Variants in IL1R1 observed in about 807,000 individuals in gnomAD.
The protein encoded by IL1R1 is interleukin 1 receptor type 1, also known as interleukin-1 receptor type 1.
A neutral mutation model predicts 50.2 loss-of-function variants in IL1R1; 22 were observed. The observed-to-expected ratio is 0.44, with a 90% CI of 0.31 to 0.63. The LOEUF (loss-of-function observed/expected upper bound fraction) is 0.63. Among genes scored for constraint, IL1R1 ranks in the 20% least tolerant of loss-of-function variants. IL1R1 has a pLI of 0.07. For synonymous variants in IL1R1, 251 were observed against 236.7 expected, an observed-to-expected ratio of 1.06 and a Z score of -0.55; for missense variants, 509 against 676.2, an observed-to-expected ratio of 0.75 and a Z score of 2.74.
chr2:102,073,124 G>T (rs1041250247), intron 1 of IL1R1, among the ~76,000 whole-genome samples: 2 of 152,178 alleles, frequency 1.3e-5, no homozygotes, highest in Admixed American at 1.3e-4. Context: ...GGATTCCCAA[G>T]GCTCCACTTT....
At chr2:102,171,753 A>T in intron 7 of IL1R1, 48 bp from the exon 8 acceptor site, 1 of 1,093,832 alleles carries the variant, frequency 9.1e-7, no homozygotes, top group South Asian at 1.4e-5. Context: ...ATCTAGATAG[A>T]TCAGAAAAAA....
At chr2:102,132,280 G>A (rs1682080089) in intron 1 of IL1R1, among the ~76,000 whole-genome samples, 1 of 151,602 alleles carries the variant, frequency 6.6e-6, no homozygotes, top group African/African-American at 2.4e-5. Flanking sequence ...TTATTTAAAT[G>A]ACTTTAAATG....
intron 8 of IL1R1, 181 bp downstream of exon 8, chr2:102,172,099 A>T: frequency 5.4e-6 from 1 of 186,084 alleles, no homozygotes; most frequent in Non-Finnish European, 8.9e-6. Context: ...CATTTAAGGT[A>T]AAAAATACTT....
chr2:102,095,699 T>A (rs75440652), intron 1 of IL1R1, among the ~76,000 whole-genome samples: 151 of 152,348 alleles, frequency 9.9e-4, no homozygotes, highest in African/African-American at 3.6e-3. Context: ...AAATACATTA[T>A]TTTACTTCAT....
At chr2:102,155,593 G>A (rs934152552) in intron 2 of IL1R1, among the ~76,000 whole-genome samples, 1 of 152,156 alleles carries the variant, frequency 6.6e-6, no homozygotes, top group African/African-American at 2.4e-5. Flanking sequence ...CCCAAGCTCA[G>A]TGCCAATTCC....
chr2:102,073,884 AC>A (rs935763298), intron 1 of IL1R1, among the ~76,000 whole-genome samples: 19 of 152,060 alleles, frequency 1.2e-4, no homozygotes, highest in African/African-American at 4.3e-4. Flanking sequence ...CTTTCTTAAA[AC>A]CCCCTAAAAT....
upstream of IL1R1, among the ~76,000 whole-genome samples, chr2:102,100,085 A>G (rs541904901): frequency 6.6e-6 from 1 of 152,272 alleles, no homozygotes; most frequent in East Asian, 1.9e-4. Context: ...CCTTTCCTGC[A>G]TTCAAGGCCT....
intron 7 of IL1R1, 140 bp downstream of exon 7, chr2:102,168,803 TTATA>T: frequency 1.6e-6 from 1 of 612,544 alleles, no homozygotes; most frequent in Non-Finnish European, 2.8e-6. Flanking sequence ...GTGAGACAAA[TTATA>T]TCTTAATTTT....
intron 6 of IL1R1, 40 bp downstream of exon 6, chr2:102,166,321 A>G: frequency 6.6e-7 from 1 of 1,506,072 alleles, no homozygotes; most frequent in African/African-American, 1.4e-5. Flanking sequence ...TAGATCTGGG[A>G]AGGTCCAGAG....
intron 1 of IL1R1, among the ~76,000 whole-genome samples, chr2:102,087,199 G>A (rs531048365): frequency 1.6e-4 from 24 of 152,314 alleles, no homozygotes; most frequent in Middle Eastern, 3.4e-3. Flanking sequence ...GCTTCAGTAA[G>A]TTGTAATCTT....
At chr2:102,078,428 T>C (rs1180529861) in intron 1 of IL1R1, among the ~76,000 whole-genome samples, 2 of 151,956 alleles carry the variant, frequency 1.3e-5, no homozygotes, top group East Asian at 1.9e-4. Context: ...AAAAATTATA[T>C]GCCAACTAAT....
intron 1 of IL1R1, among the ~76,000 whole-genome samples, chr2:102,071,973 T>C (rs1308447632): frequency 6.6e-6 from 1 of 152,136 alleles, no homozygotes; most frequent in African/African-American, 2.4e-5. Flanking sequence ...ATCATTGTAC[T>C]TGGCCGGGTG....
At chr2:102,132,588 A>G (rs1031029501) in intron 1 of IL1R1, among the ~76,000 whole-genome samples, 1 of 152,216 alleles carries the variant, frequency 6.6e-6, no homozygotes, top group African/African-American at 2.4e-5. Flanking sequence ...TAAAGATCAA[A>G]GCAGAAAGCA....
chr2:102,071,766 AG>A (rs1236244952), intron 1 of IL1R1, among the ~76,000 whole-genome samples: 4 of 152,134 alleles, frequency 2.6e-5, no homozygotes, highest in African/African-American at 9.7e-5. Context: ...GTGAGGGAAG[AG>A]GGAGAAATGC....
chr2:102,160,067 G>T (rs1015399388), intron 3 of IL1R1, among the ~76,000 whole-genome samples: 2 of 152,102 alleles, frequency 1.3e-5, no homozygotes, highest in African/African-American at 4.8e-5. Context: ...TGGAAATCTT[G>T]CAAATTCAAT....
intron 1 of IL1R1, among the ~76,000 whole-genome samples, chr2:102,137,023 A>G (rs1682381198): frequency 6.6e-6 from 1 of 152,220 alleles, no homozygotes; most frequent in Admixed American, 6.5e-5. Context: ...TTTACTCAAA[A>G]TAGTATATTC....
upstream of IL1R1, among the ~76,000 whole-genome samples, chr2:102,102,092 C>G (rs1680168111): frequency 6.6e-6 from 1 of 152,174 alleles, no homozygotes; most frequent in African/African-American, 2.4e-5. Flanking sequence ...AAGAAATCAT[C>G]TGGAGTGGAA....
intron 5 of IL1R1, 96 bp from the exon 6 acceptor site, chr2:102,166,017 C>T (rs977792574): frequency 1.5e-5 from 15 of 1,026,248 alleles, no homozygotes; most frequent in African/African-American, 4.8e-5. Context: ...AAAAATATAA[C>T]ATTTGCTAAG....
chr2:102,146,762 G>A (rs142971572), intron 1 of IL1R1, among the ~76,000 whole-genome samples: 13 of 152,326 alleles, frequency 8.5e-5, no homozygotes, highest in African/African-American at 2.4e-4. Context: ...CAGTATGAAC[G>A]TCTGTGAGAC....
Sources: gnomAD v4.1 joint callset for allele counts (sites outside exome capture counted in the v4.1 genomes callset) on GRCh38, gnomAD v4.1.1 for gene constraint, MANE v1.5 for transcripts, NCBI Gene and HGNC (gene_info 2026-07-23, HGNC 2026-07-21) for gene names.